RBPMS2: variants seen among roughly 807,000 people sequenced by gnomAD.
The protein encoded by RBPMS2 is RNA binding protein, mRNA processing factor 2.
RBPMS2 carries 14 observed loss-of-function variants against 25.7 expected under a neutral mutation model. The observed-to-expected ratio is 0.55, with a 90% CI of 0.36 to 0.85. The LOEUF is 0.85. Among genes scored for constraint, RBPMS2 ranks in the 40% least tolerant of loss-of-function variants. The pLI is 0.01. For missense variants in RBPMS2, 252 were observed against 283.4 expected, an observed-to-expected ratio of 0.89 and a Z score of 0.80; for synonymous variants, 127 against 115.6, an observed-to-expected ratio of 1.10 and a Z score of -0.63.
chr15:64,747,879 G>C (rs570363230), intron 6 of RBPMS2, among the ~76,000 whole-genome samples: 1 of 152,232 alleles, frequency 6.6e-6, no homozygotes, highest in Admixed American at 6.5e-5. Flanking sequence ...TCATGGAAGC[G>C]AGAGCCAACA....
chr15:64,751,335 G>GA (rs68167030), intron 2 of RBPMS2, among the ~76,000 whole-genome samples: 11,937 of 144,812 alleles, frequency 0.082, 555 homozygotes, highest in South Asian at 0.093. Flanking sequence ...TCGTCTCGAG[G>GA]AAAAAAAAAA....
intron 1 of RBPMS2, among the ~76,000 whole-genome samples, chr15:64,753,426 G>A (rs185271768): frequency 1.0e-3 from 152 of 152,228 alleles, no homozygotes; most frequent in African/African-American, 3.5e-3. Flanking sequence ...CTTGTCTCAG[G>A]AAGCTGGAGC....
At chr15:64,743,995 A>G (rs2083589396) in intron 6 of RBPMS2, among the ~76,000 whole-genome samples, 1 of 151,936 alleles carries the variant, frequency 6.6e-6, no homozygotes, top group Non-Finnish European at 1.5e-5. Context: ...AATCCCAGCA[A>G]TTTGGGAGGC....
At chr15:64,768,154 T>C (rs2083862587) in intron 1 of RBPMS2, among the ~76,000 whole-genome samples, 1 of 152,040 alleles carries the variant, frequency 6.6e-6, no homozygotes, top group African/African-American at 2.4e-5. Flanking sequence ...AGTGGAGGAG[T>C]GTGTGAAAGT....
At position 64,748,430 on chromosome 15, in the gene RBPMS2, G is replaced by GGGCGGC; in HGVS notation, c.550_555dup (p.Ala184_Ala185dup). 1 of 1,614,032 alleles carries GGGCGGC rather than the reference G, an allele frequency of 6.2e-7. No homozygotes were observed. Among genetic ancestry groups the GGGCGGC allele is most frequent in the Non-Finnish European group, 8.5e-7 (1 of 1,180,004 alleles). ...CTTAAAGGGCTTACCTGAGCGTGGA[G>GGGCGGC]GGCGGCGGCAGCGGCAGTGGCAGTT... On this transcript the variant is annotated inframe_insertion, in exon 6 of 8. Coordinates refer to ENST00000300069, the MANE Select transcript of RBPMS2 (RefSeq NM_194272.3).
chr15:64,756,871 G>T (rs1162373363), intron 1 of RBPMS2, among the ~76,000 whole-genome samples: 1 of 149,594 alleles, frequency 6.7e-6, no homozygotes, highest in African/African-American at 2.5e-5. Flanking sequence ...TCACCTCAAG[G>T]AGTTCCTTGA....
chr15:64,763,326 C>G (rs2083810183), intron 1 of RBPMS2, among the ~76,000 whole-genome samples: 1 of 152,174 alleles, frequency 6.6e-6, no homozygotes, highest in Non-Finnish European at 1.5e-5. Flanking sequence ...AACATGTTTC[C>G]CATGCTTCCT....
At position 64,750,373 on chromosome 15, in the gene RBPMS2, T is replaced by C; in HGVS notation, c.174A>G (p.Glu58=). Residue 58 remains glutamate (E), a synonymous_variant, in exon 3 of 8, where the codon GAA becomes GAG. Coordinates refer to ENST00000300069, the MANE Select transcript of RBPMS2 (RefSeq NM_194272.3). ...TTGCAGTGAGCTTGATCAGGGACCC[T>C]TCATACCCCTGCGGAGAGAGGTGGC... ...YLLFRPFKGY[E]GSLIKLTARQ... is the part of the protein sequence containing the mutation. 1.9e-6 allele frequency: 3 copies of C among 1,613,848 alleles called. No individual in the cohort carries two copies. Among genetic ancestry groups the C allele is most frequent in the Non-Finnish European group, 2.5e-6 (3 of 1,179,746 alleles).
At chr15:64,774,860 C>G (rs1037708099) in intron 1 of RBPMS2, among the ~76,000 whole-genome samples, 1 of 151,576 alleles carries the variant, frequency 6.6e-6, no homozygotes, top group African/African-American at 2.4e-5. Flanking sequence ...GGGTCCTGGC[C>G]ACGCAGGAGG....
In RBPMS2 at chr15:64,741,229, G is replaced by C. The variant is rs2083559449; in HGVS notation, c.581C>G (p.Pro194Arg). 6.3e-7 allele frequency: 1 copy of C among 1,591,386 alleles called. No individual in the cohort carries two copies. The highest frequency in any genetic ancestry group is 1.1e-5 in the South Asian group (1 of 87,284). Residue 194 changes from proline (P) to arginine (R), a missense_variant, in exon 7 of 8, where the codon CCT becomes CGT. Transcript: ENST00000300069. ...AALHAQVRWY[P>R]SSDTTQQGWK... ...TCCTTGCTGGGTGGTGTCAGAGGAA[G>C]GGTACCAGCGCACCTGCAAGAGAAG... is the stretch of plus-strand genomic sequence containing the variant.
rs1042838722 is a variant in RBPMS2 at position 64,739,892 on chromosome 15, C to T, written c.*1116G>A. On this transcript the variant is annotated 3_prime_UTR_variant, in exon 8 of 8. Transcript: ENST00000300069. Reference sequence around the variant, plus strand: ...GGGGGAAGCAAAGGCCGAGAGCAGTCATTTTGGTTTTGTTTTATTTTGCAT... The same window carrying T: ...GGGGGAAGCAAAGGCCGAGAGCAGTTATTTTGGTTTTGTTTTATTTTGCAT... 2 of 152,622 alleles carry T rather than the reference C, an allele frequency of 1.3e-5. No homozygotes were observed. The highest frequency in any genetic ancestry group is 2.9e-5 in the Non-Finnish European group (2 of 68,060). The allele number at this position is 152,622 out of a possible 1,614,324, so 9.5% of individuals were successfully genotyped here. A position where few individuals can be genotyped will look rare whatever the true frequency, so the allele number is the denominator to read the frequency against.
chr15:64,752,292 T>C (rs2141062390), intron 1 of RBPMS2, among the ~76,000 whole-genome samples: 1 of 152,234 alleles, frequency 6.6e-6, no homozygotes, highest in African/African-American at 2.4e-5. Context: ...ATGATACCCA[T>C]GGCCTCCTGG....
At chr15:64,766,154 G>A (rs573411259) in intron 1 of RBPMS2, among the ~76,000 whole-genome samples, 4 of 152,280 alleles carry the variant, frequency 2.6e-5, no homozygotes, top group South Asian at 4.1e-4. Context: ...GGCTCTGTCC[G>A]TCCTCCTTGG....
intron 1 of RBPMS2, among the ~76,000 whole-genome samples, chr15:64,756,648 C>CTTT (rs532762359): frequency 1.4e-5 from 2 of 140,996 alleles, no homozygotes; most frequent in Non-Finnish European, 1.6e-5. Context: ...TTTTTCATTT[C>CTTT]TTTTTTTTTT....
At chr15:64,755,414 C>T (rs1042468753) in intron 1 of RBPMS2, among the ~76,000 whole-genome samples, 11 of 152,096 alleles carry the variant, frequency 7.2e-5, no homozygotes, top group African/African-American at 2.7e-4. Context: ...CCCAAACACC[C>T]GCCTTGGTTC....
chr15:64,749,490 C>A lies in RBPMS2; in HGVS notation c.208G>T (p.Val70Phe), dbSNP rs1222355232. 5 of 1,612,426 alleles carry A rather than the reference C, an allele frequency of 3.1e-6. No homozygotes were observed. The highest frequency in any genetic ancestry group is 4.2e-6 in the Non-Finnish European group (5 of 1,179,734). Residue 70 changes from valine (V) to phenylalanine (F), a missense_variant, in exon 4 of 8, where the codon GTT (valine) becomes TTT (phenylalanine). Coordinates refer to ENST00000300069, the MANE Select transcript of RBPMS2 (RefSeq NM_194272.3). Reference sequence around the variant, plus strand: ...CGGCTGTCAAAGATCACAAAACCAACAGGCTAGTAGGAAAAAGAGAGAACA... The same window carrying A: ...CGGCTGTCAAAGATCACAAAACCAAAAGGCTAGTAGGAAAAAGAGAGAACA... ...SLIKLTARQP[V>F]GFVIFDSRAG...
At chr15:64,771,845 G>C (rs1567072399) in intron 1 of RBPMS2, among the ~76,000 whole-genome samples, 2 of 152,026 alleles carry the variant, frequency 1.3e-5, no homozygotes, top group Non-Finnish European at 2.9e-5. Context: ...TGTAATCCCA[G>C]CTACTCAGGA....
intron 1 of RBPMS2, among the ~76,000 whole-genome samples, chr15:64,767,501 C>T (rs2083857590): frequency 1.3e-5 from 2 of 152,158 alleles, no homozygotes; most frequent in Non-Finnish European, 2.9e-5. Context: ...CAGGACTCAC[C>T]CTGCCTCCAG....
chr15:64,761,439 C>G (rs953087374), intron 1 of RBPMS2, among the ~76,000 whole-genome samples: 4 of 152,230 alleles, frequency 2.6e-5, no homozygotes, highest in African/African-American at 9.6e-5. Context: ...ACAGCCTGTT[C>G]CCAAGTGCCC....
Sources: gnomAD v4.1 joint callset for allele counts (sites outside exome capture counted in the v4.1 genomes callset) on GRCh38, gnomAD v4.1.1 for gene constraint, MANE v1.5 for transcripts, NCBI Gene and HGNC (gene_info 2026-07-23, HGNC 2026-07-21) for gene names.